Variants in PLCE1 observed in about 807,000 individuals in gnomAD.
PLCE1 encodes the protein phospholipase C epsilon 1.
In PLCE1, 119 loss-of-function variants were observed where a neutral mutation model predicts 242.8. The ratio of observed to expected loss-of-function variants is 0.49; its 90% confidence interval spans 0.42 to 0.57. PLCE1 has a LOEUF of 0.57. Among genes scored for constraint, PLCE1 ranks in the 20% least tolerant of loss-of-function variants. The pLI is 0.00. For synonymous variants in PLCE1, 945 were observed against 1,017.4 expected (o/e 0.93, Z 1.35); for missense variants, 2,441 against 2,788.8 (o/e 0.88, Z 2.81).
At chr10:94,210,162 C>T (rs746351061) in intron 4 of PLCE1, among the ~76,000 whole-genome samples, 6 of 150,572 alleles carry the variant, frequency 4.0e-5, no homozygotes, top group African/African-American at 7.3e-5. Flanking sequence ...TAAGATGTCA[C>T]GTTTTAATAT....
intron 4 of PLCE1, among the ~76,000 whole-genome samples, chr10:94,177,253 G>A (rs1295410048): frequency 3.3e-5 from 5 of 152,172 alleles, no homozygotes; most frequent in Non-Finnish European, 7.3e-5. Flanking sequence ...CATTAATGAA[G>A]GCCTGGAGAT....
intron 2 of PLCE1, among the ~76,000 whole-genome samples, chr10:94,127,559 G>C (rs1314206054): frequency 6.6e-6 from 1 of 152,170 alleles, no homozygotes; most frequent in East Asian, 1.9e-4. Flanking sequence ...ATTTCCATTA[G>C]TTAAGGAAAT....
intron 23 of PLCE1, among the ~76,000 whole-genome samples, chr10:94,294,909 CTT>C (rs766555881): frequency 1.8e-4 from 18 of 101,506 alleles, no homozygotes; most frequent in East Asian, 1.6e-3. Flanking sequence ...CATGATAGAA[CTT>C]TTTTTTTTTT....
chr10:94,093,510 G>C (rs11817381), intron 2 of PLCE1, among the ~76,000 whole-genome samples: 2,371 of 152,308 alleles, frequency 0.016, 51 homozygotes, highest in African/African-American at 0.054. Flanking sequence ...AGGGGGAAAA[G>C]AATCCTGCAG....
intron 4 of PLCE1, among the ~76,000 whole-genome samples, chr10:94,217,209 C>T (rs1258268926): frequency 1.3e-5 from 2 of 151,778 alleles, no homozygotes; most frequent in Non-Finnish European, 2.9e-5. Context: ...TTAGTACCAG[C>T]CTTGTAGAGC....
At chr10:94,220,083 G>C (rs923019326) in intron 4 of PLCE1, among the ~76,000 whole-genome samples, 3 of 151,848 alleles carry the variant, frequency 2.0e-5, no homozygotes, top group African/African-American at 7.3e-5. Context: ...GCTGGCTGCT[G>C]TATCCTCAGA....
At chr10:94,070,142 G>A (rs925868119) in intron 2 of PLCE1, among the ~76,000 whole-genome samples, 1 of 152,112 alleles carries the variant, frequency 6.6e-6, no homozygotes, top group Non-Finnish European at 1.5e-5. Context: ...TCACTATGAG[G>A]TACTGTCAGC....
Position 94,038,346 on chromosome 10 carries a change from G to A in PLCE1, c.1206+6094G>A, listed in dbSNP as rs538121958. On this transcript the variant is annotated intron_variant, in intron 2 of 32. Coordinates refer to ENST00000371380, the MANE Select transcript of PLCE1 (RefSeq NM_016341.4). ...AAGCTGTTCTTAGACAGCGGTGCTG[G>A]GCTTATTTTCTGGCACCATGACAAC... Among the ~76,000 whole-genome samples, 5 of 152,228 alleles carry A rather than the reference G, an allele frequency of 3.3e-5. No individual in the cohort carries two copies. In the South Asian group the frequency reaches 1.0e-3, roughly 32 times the overall value.
chr10:94,294,496 G>T (rs1205319041), intron 23 of PLCE1, among the ~76,000 whole-genome samples: 1 of 152,142 alleles, frequency 6.6e-6, no homozygotes, highest in Non-Finnish European at 1.5e-5. Flanking sequence ...TTGCAGGTTC[G>T]GTTCCAGACC....
chr10:94,230,868 C>T (rs1398160016), intron 5 of PLCE1, among the ~76,000 whole-genome samples: 4 of 152,142 alleles, frequency 2.6e-5, no homozygotes, highest in African/African-American at 7.2e-5. Flanking sequence ...CCTCAGCCTC[C>T]CAAAGTGCTG....
chr10:94,313,154 G>T lies in PLCE1; in HGVS notation c.6004-100G>T, dbSNP rs1476313465. 1.1e-5 allele frequency: 16 copies of T among 1,393,378 alleles called. No individual in the cohort carries two copies. The East Asian group carries it at 3.7e-4, about 32-fold the overall frequency. The allele number at this position is 1,393,378 out of a possible 1,614,324, so 86.3% of individuals were successfully genotyped here. A position where few individuals can be genotyped will look rare whatever the true frequency, so the allele number is the denominator to read the frequency against. On this transcript the variant is annotated intron_variant, in intron 27 of 32. Coordinates refer to ENST00000371380, the MANE Select transcript of PLCE1 (RefSeq NM_016341.4). ...GGACTCTCATCTTTTGCATTTACATGTTCCTATCCGTACTTCTAAGTACTA... is the reference window on the plus strand; with the variant it reads ...GGACTCTCATCTTTTGCATTTACATTTTCCTATCCGTACTTCTAAGTACTA...
At chr10:94,130,681 A>G (rs1308122352) in intron 2 of PLCE1, among the ~76,000 whole-genome samples, 1 of 152,230 alleles carries the variant, frequency 6.6e-6, no homozygotes, top group Admixed American at 6.5e-5. Context: ...ACAGAGAATT[A>G]AAGGTAAGAA....
chr10:94,063,269 T>A (rs955273947), intron 2 of PLCE1, among the ~76,000 whole-genome samples: 3 of 152,220 alleles, frequency 2.0e-5, no homozygotes, highest in Admixed American at 6.5e-5. Context: ...TCCCACCTTC[T>A]TCTGTGGGAA....
At chr10:94,063,087 A>G (rs2044104340) in intron 2 of PLCE1, among the ~76,000 whole-genome samples, 1 of 151,982 alleles carries the variant, frequency 6.6e-6, no homozygotes, top group Admixed American at 6.6e-5. Flanking sequence ...CCTCTCCCAC[A>G]TGCTCCCTTC....
chr10:94,180,235 A>AT (rs989968279), intron 4 of PLCE1, among the ~76,000 whole-genome samples: 21 of 152,254 alleles, frequency 1.4e-4, no homozygotes, highest in African/African-American at 3.4e-4. Flanking sequence ...AGGATTCAGA[A>AT]TTTTTTTATG....
chr10:94,128,669 T>G (rs920705720), intron 2 of PLCE1, among the ~76,000 whole-genome samples: 4 of 152,242 alleles, frequency 2.6e-5, no homozygotes, highest in Non-Finnish European at 4.4e-5. Context: ...GACTATGGCT[T>G]TCTCTCTATC....
At position 94,262,501 on chromosome 10, in the gene PLCE1, G is replaced by T; in HGVS notation, c.3822G>T (p.Leu1274Phe). 6.2e-7 allele frequency: 1 copy of T among 1,609,364 alleles called. No homozygotes were observed. Among genetic ancestry groups the T allele is most frequent in the South Asian group, 1.1e-5 (1 of 90,894 alleles). Residue 1274 changes from leucine (L) to phenylalanine (F), a missense_variant, in exon 14 of 33, where the codon TTG becomes TTT. By Grantham distance (22) the Leu-to-Phe change is conservative (BLOSUM62 0). This residue lies in a region of PLCE1 where 1,004 missense variants were observed against 1,322.7 expected (regional missense o/e 0.76). Transcript: ENST00000371380. ...GTGGTGATTCTGTTTCAGATCTGTT[G>T]ACCAGAAATGTCTCGGATTTGGGGT... ...TSDLQPDLDL[L>F]TRNVSDLGLF...
intron 2 of PLCE1, among the ~76,000 whole-genome samples, chr10:94,053,324 A>G (rs985164178): frequency 6.6e-6 from 1 of 152,250 alleles, no homozygotes; most frequent in Non-Finnish European, 1.5e-5. Flanking sequence ...AATAGATTTT[A>G]GCTGCTGCTA....
At chr10:94,082,994 T>C (rs1431509455) in intron 2 of PLCE1, among the ~76,000 whole-genome samples, 1 of 152,198 alleles carries the variant, frequency 6.6e-6, no homozygotes, top group Non-Finnish European at 1.5e-5. Flanking sequence ...AAAGGTGTAA[T>C]TTAAAATTTT....
Sources: allele counts gnomAD v4.1 joint callset (sites outside exome capture counted in the v4.1 genomes callset), GRCh38; gene constraint gnomAD v4.1.1; regional missense constraint gnomAD v4.1.1; transcripts MANE v1.5; gene names NCBI Gene and HGNC (gene_info 2026-07-23, HGNC 2026-07-21).